Variants in ADAMTS20 observed in about 807,000 individuals in gnomAD.
ADAMTS20 encodes the protein A disintegrin and metalloproteinase with thrombospondin motifs 20.
A neutral mutation model predicts 260.1 loss-of-function variants in ADAMTS20; 225 were observed. The ratio of observed to expected loss-of-function variants is 0.87; its 90% CI spans 0.78 to 0.97. The LOEUF (loss-of-function observed/expected upper bound fraction) is 0.97, where lower values mean the gene tolerates loss of function less well. Ranked by LOEUF, ADAMTS20 falls within the 50% of genes least tolerant of loss-of-function variation. The pLI, the probability that ADAMTS20 is intolerant of heterozygous loss-of-function variation, is 0.00. For missense variants in ADAMTS20, 2,400 were observed against 2,337.7 expected, an observed-to-expected ratio of 1.03 and a Z score of -0.55; for synonymous variants, 802 against 769.5, an observed-to-expected ratio of 1.04 and a Z score of -0.70.
intron 7 of ADAMTS20, among the ~76,000 whole-genome samples, chr12:43,474,014 A>C (rs1291790227): frequency 6.6e-6 from 1 of 151,044 alleles, no homozygotes; most frequent in Non-Finnish European, 1.5e-5. Flanking sequence ...AAATAGAGAC[A>C]CAAAAAACCC....
chr12:43,409,619 A>AAAAAC (rs1940992321), intron 28 of ADAMTS20, among the ~76,000 whole-genome samples: 1 of 147,188 alleles, frequency 6.8e-6, no homozygotes, highest in Non-Finnish European at 1.5e-5. Flanking sequence ...AAAAAAAAAA[A>AAAAAC]AAAAAAAAAA....
intron 3 of ADAMTS20, among the ~76,000 whole-genome samples, chr12:43,513,895 A>AC (rs796924943): frequency 1.6e-5 from 2 of 125,530 alleles, no homozygotes; most frequent in East Asian, 5.5e-4. Context: ...GGAACATCAC[A>AC]CCCCCAGGCC....
intron 3 of ADAMTS20, 124 bp downstream of exon 3, chr12:43,531,912 T>A (rs1943226179): frequency 4.3e-6 from 3 of 701,714 alleles, no homozygotes; most frequent in Non-Finnish European, 5.8e-6. Flanking sequence ...TTTTTATTTC[T>A]GAATTTAAAA....
At chr12:43,489,871 A>G (rs1239019954) in intron 7 of ADAMTS20, among the ~76,000 whole-genome samples, 4 of 152,078 alleles carry the variant, frequency 2.6e-5, no homozygotes, top group Non-Finnish European at 5.9e-5. Context: ...ACAGAATTCA[A>G]AAATAAGCAA....
At chr12:43,444,060 T>C (rs1166449279) in intron 15 of ADAMTS20, among the ~76,000 whole-genome samples, 177 bp from the exon 16 acceptor site, 1 of 152,132 alleles carries the variant, frequency 6.6e-6, no homozygotes, top group Non-Finnish European at 1.5e-5. Flanking sequence ...TTACTGAGGA[T>C]TGAGAAAAAG....
At chr12:43,433,886 C>G (rs1307676276) in intron 19 of ADAMTS20, 1 of 371,874 alleles carries the variant, frequency 2.7e-6, no homozygotes, top group Non-Finnish European at 5.3e-6. Context: ...CAGAAGTTTA[C>G]TGGTTCATTA....
At chr12:43,455,393 C>T (rs956206933) in intron 11 of ADAMTS20, among the ~76,000 whole-genome samples, 2 of 152,126 alleles carry the variant, frequency 1.3e-5, no homozygotes, top group Admixed American at 1.3e-4. Flanking sequence ...CTGATGAGGC[C>T]TTTCTCTTCT....
chr12:43,478,922 A>G (rs1942400006), intron 7 of ADAMTS20, among the ~76,000 whole-genome samples: 1 of 152,160 alleles, frequency 6.6e-6, no homozygotes, highest in Admixed American at 6.5e-5. Context: ...GGCACCTCAT[A>G]CTTGCAACTG....
intron 2 of ADAMTS20, among the ~76,000 whole-genome samples, chr12:43,550,666 A>T (rs1877046): frequency 0.11 from 16,279 of 152,180 alleles, 1,174 homozygotes; most frequent in East Asian, 0.4. Flanking sequence ...TCCAGGGATG[A>T]TGAAAGAGCA....
chr12:43,471,044 C>G (rs1001141964), intron 7 of ADAMTS20, among the ~76,000 whole-genome samples: 1 of 152,076 alleles, frequency 6.6e-6, no homozygotes, highest in Non-Finnish European at 1.5e-5. Flanking sequence ...ACGCAGAAGA[C>G]GGGTGATTTC....
intron 3 of ADAMTS20, among the ~76,000 whole-genome samples, chr12:43,526,458 A>G (rs2137492838): frequency 6.7e-6 from 1 of 149,138 alleles, no homozygotes; most frequent in East Asian, 1.9e-4. Context: ...ACTCCGTCTC[A>G]AAAAAAAAAT....
chr12:43,491,549 A>T (rs1434525931), intron 6 of ADAMTS20, among the ~76,000 whole-genome samples: 1 of 152,146 alleles, frequency 6.6e-6, no homozygotes, highest in Non-Finnish European at 1.5e-5. Flanking sequence ...CAAACCTAGG[A>T]TTTATATATT....
chr12:43,394,486 A>G (rs888324800), intron 29 of ADAMTS20, among the ~76,000 whole-genome samples: 2 of 152,124 alleles, frequency 1.3e-5, no homozygotes, highest in African/African-American at 4.8e-5. Context: ...TATGTGATCA[A>G]CTATATCCTC....
At chr12:43,491,798 A>T (rs1336027602) in intron 6 of ADAMTS20, among the ~76,000 whole-genome samples, 1 of 152,190 alleles carries the variant, frequency 6.6e-6, no homozygotes, top group African/African-American at 2.4e-5. Flanking sequence ...ACGAAAGAAG[A>T]ACAAAGTTGC....
intron 11 of ADAMTS20, 100 bp downstream of exon 11, chr12:43,462,795 G>T: frequency 4.4e-6 from 4 of 905,956 alleles, no homozygotes; most frequent in Non-Finnish European, 5.0e-6. Flanking sequence ...ACTAGCTGAA[G>T]AAAAGTTGAC....
chr12:43,527,339 C>T (rs1280993009), intron 3 of ADAMTS20, among the ~76,000 whole-genome samples: 1 of 152,008 alleles, frequency 6.6e-6, no homozygotes, highest in Non-Finnish European at 1.5e-5. Context: ...CATAAATATC[C>T]TATGAAGTCA....
chr12:43,376,851 A>G (rs555070341), intron 32 of ADAMTS20, among the ~76,000 whole-genome samples, 198 bp from the exon 33 acceptor site: 1 of 152,286 alleles, frequency 6.6e-6, no homozygotes, highest in South Asian at 2.1e-4. Flanking sequence ...GCCTGAATCT[A>G]TTATTTCTCA....
At chr12:43,409,412 C>T (rs1362617698) in intron 28 of ADAMTS20, among the ~76,000 whole-genome samples, 1 of 151,094 alleles carries the variant, frequency 6.6e-6, no homozygotes, top group Non-Finnish European at 1.5e-5. Flanking sequence ...ACCATCCCGG[C>T]TAAAACGGTG....
chr12:43,423,579 T>G (rs1941274219), intron 28 of ADAMTS20: 3 of 602,464 alleles, frequency 5.0e-6, no homozygotes, highest in Non-Finnish European at 8.8e-6. Flanking sequence ...TAATCCACAG[T>G]CTTCTTAAGA....
Sources: allele counts gnomAD v4.1 joint callset (sites outside exome capture counted in the v4.1 genomes callset), GRCh38; gene constraint gnomAD v4.1.1; transcripts MANE v1.5; gene names NCBI Gene and HGNC (gene_info 2026-07-23, HGNC 2026-07-21).